The following LCORL variants were observed in gnomAD, a reference collection of about 807,000 sequenced individuals.
The protein encoded by LCORL is ligand-dependent nuclear receptor corepressor-like protein.
In LCORL, 41 loss-of-function variants were observed where a neutral mutation model predicts 141.8. That is an observed-to-expected ratio of 0.29 (90% CI 0.23 to 0.38). The LOEUF (loss-of-function observed/expected upper bound fraction) is 0.38, where lower values mean the gene tolerates loss of function less well. Ranked by LOEUF, LCORL falls within the 10% of genes least tolerant of loss-of-function variation. The pLI, the probability that LCORL is intolerant of heterozygous loss-of-function variation, is 1.00. For missense variants in LCORL, 1,759 were observed against 2,035.0 expected (o/e 0.86, Z 2.61); for synonymous variants, 618 against 694.1 (o/e 0.89, Z 1.72).
At chr4:17,877,146 C>A (rs1382108074) in exon 7 of LCORL, 5 of 1,230,576 alleles carry the variant, frequency 4.1e-6, no homozygotes, top group Non-Finnish European at 5.1e-6. Flanking sequence ...AGAGGAGTTG[C>A]GCATTGCAAA....
At chr4:17,938,713 C>T (rs574847229) in intron 4 of LCORL, among the ~76,000 whole-genome samples, 1 of 152,146 alleles carries the variant, frequency 6.6e-6, no homozygotes, top group Admixed American at 6.5e-5. Context: ...GCGCCCGGCC[C>T]TGTAACTGTT....
rs1560497785 is a variant in LCORL at position 18,021,710 on chromosome 4, A to AGCG, written c.39_41dup (p.Ala22dup). On this transcript the variant is annotated inframe_insertion, in exon 1 of 8. Transcript: ENST00000635767. This position sits in a 1 kb window ranked among gnomAD's most constrained non-coding sequence, Gnocchi z 5.5. ...GAGCGGCGGCGGCGGCGGCGGCAGC[A>AGCG]GCGGCGGCGGCAGCGGCCATTCTCT... 1.2e-5 allele frequency: 19 copies of AGCG among 1,523,656 alleles called. No individual in the cohort carries two copies. Among genetic ancestry groups the AGCG allele is most frequent in the East Asian group, 7.5e-5 (3 of 39,812 alleles). 94.4% of individuals were successfully genotyped at this position (1,523,656 alleles called of 1,614,324 possible). A position where few individuals can be genotyped will look rare whatever the true frequency, so the allele number is the denominator to read the frequency against.
Position 18,021,685 on chromosome 4 carries a change from G to GAGCGGC in LCORL, c.61_66dup (p.Ala21_Ala22dup), listed in dbSNP as rs1553889893. On this transcript the variant is annotated inframe_insertion, in exon 1 of 8. Coordinates refer to ENST00000635767, the Ensembl canonical transcript of LCORL. The surrounding 1 kb of genome is among the most constrained non-coding windows in gnomAD (Gnocchi z 5.5). ...GCCGCGCACCGAGGGCTCCGGCACT[G>GAGCGGC]AGCGGCGGCGGCGGCGGCGGCAGCA... 1.2e-5 allele frequency: 18 copies of GAGCGGC among 1,534,850 alleles called. No homozygotes were observed. The highest frequency in any genetic ancestry group is 2.1e-5 in the Admixed American group (1 of 48,202).
chr4:17,967,816 G>T (rs2109639209), intron 2 of LCORL, among the ~76,000 whole-genome samples: 1 of 152,054 alleles, frequency 6.6e-6, no homozygotes, highest in South Asian at 2.1e-4. Flanking sequence ...CGCAGTTTCT[G>T]CCTTTAGTTT....
chr4:18,018,249 A>G (rs1489673137), intron 1 of LCORL, among the ~76,000 whole-genome samples: 2 of 152,154 alleles, frequency 1.3e-5, no homozygotes, highest in Non-Finnish European at 2.9e-5. Flanking sequence ...ATCCAGGACT[A>G]TATTTGCTAT....
intron 7 of LCORL, among the ~76,000 whole-genome samples, chr4:17,862,270 C>T (rs1264474682): frequency 6.6e-6 from 1 of 152,188 alleles, no homozygotes; most frequent in Non-Finnish European, 1.5e-5. Context: ...AGGTGAAAGG[C>T]ACATCTCACA....
At chr4:17,882,169 T>C (rs1553860021) in intron 6 of LCORL, 16 of 983,918 alleles carry the variant, frequency 1.6e-5, no homozygotes, top group Middle Eastern at 5.2e-4. Flanking sequence ...CACGTATATA[T>C]GATTATTAAA....
intron 1 of LCORL, among the ~76,000 whole-genome samples, chr4:17,979,216 T>C (rs1012969064): frequency 3.3e-5 from 5 of 152,310 alleles, no homozygotes; most frequent in Admixed American, 6.5e-5. Flanking sequence ...GCCTGTGCTA[T>C]AATCTGCAAA....
At chr4:17,907,772 C>T (rs1025291164) in intron 5 of LCORL, among the ~76,000 whole-genome samples, 1 of 152,100 alleles carries the variant, frequency 6.6e-6, no homozygotes, top group Admixed American at 6.6e-5. Flanking sequence ...ATGTGTGGCC[C>T]AACACAACTC....
intron 2 of LCORL, among the ~76,000 whole-genome samples, chr4:17,968,159 T>G (rs1263589545): frequency 1.3e-5 from 2 of 152,180 alleles, no homozygotes; most frequent in East Asian, 3.8e-4. Flanking sequence ...CACCCGGCCA[T>G]TTGCCATTAC....
Position 17,924,745 on chromosome 4 carries a change from T to G in LCORL, c.431-15400A>C, listed in dbSNP as rs111535916. On this transcript the variant is annotated intron_variant, in intron 4 of 7. Coordinates refer to ENST00000635767, the Ensembl canonical transcript of LCORL. ...AAGTGAAGCAGTGGGCTCATGCTCA[T>G]GGAATTCACTGGTCTTACCATGTTC... 1.6e-3 allele frequency among the ~76,000 whole-genome samples: 240 copies of G among 152,320 alleles called. 1 individual carries two copies. Among genetic ancestry groups the G allele is most frequent in the Non-Finnish European group, 2.4e-3 (164 of 68,028 alleles).
In LCORL at chr4:17,867,031, G is replaced by C. The variant is rs555850962; in HGVS notation, c.5602+6357C>G. On this transcript the variant is annotated intron_variant, in intron 7 of 7. Coordinates refer to ENST00000635767, the Ensembl canonical transcript of LCORL. ...AGAGAAAGCAGGTCTGGAGGCTGCA[G>C]GGAGAGAATAAAGATTTACAAAACA... 1.0e-5 allele frequency: 10 copies of C among 977,264 alleles called. No homozygotes were observed. In the South Asian group the frequency reaches 4.7e-4, roughly 46 times the overall value. 60.5% of individuals were successfully genotyped at this position (977,264 alleles called of 1,614,324 possible). A position where few individuals can be genotyped will look rare whatever the true frequency, so the allele number is the denominator to read the frequency against.
intron 4 of LCORL, among the ~76,000 whole-genome samples, chr4:17,955,461 ATATAT>A (rs1275024957): frequency 5.9e-5 from 9 of 152,204 alleles, no homozygotes; most frequent in African/African-American, 2.2e-4. Flanking sequence ...AGTTCTTGAA[ATATAT>A]TAGTTAACAA....
At chr4:17,862,345 T>C (rs1340133330) in intron 7 of LCORL, among the ~76,000 whole-genome samples, 2 of 152,198 alleles carry the variant, frequency 1.3e-5, no homozygotes, top group Non-Finnish European at 2.9e-5. Context: ...CATCAGATTT[T>C]GTAAGACTTA....
intron 4 of LCORL, among the ~76,000 whole-genome samples, chr4:17,924,667 T>C (rs1365485532): frequency 1.3e-5 from 2 of 152,326 alleles, no homozygotes; most frequent in African/African-American, 2.4e-5. Context: ...TTTACCATCA[T>C]GGTATTCCAC....
chr4:17,944,990 T>A (rs1029624256), intron 4 of LCORL, among the ~76,000 whole-genome samples: 1 of 152,168 alleles, frequency 6.6e-6, no homozygotes, highest in Non-Finnish European at 1.5e-5. Context: ...CATAATTATA[T>A]GTAAAATAAA....
chr4:17,875,117 C>A (rs1726778487), exon 7 of LCORL: 1 of 1,233,368 alleles, frequency 8.1e-7, no homozygotes, highest in Non-Finnish European at 1.0e-6. Context: ...TTTCTTCAGG[C>A]AGATTTTTTC....
At chr4:17,901,785 A>C (rs1730923255) in intron 5 of LCORL, among the ~76,000 whole-genome samples, 1 of 152,156 alleles carries the variant, frequency 6.6e-6, no homozygotes, top group Non-Finnish European at 1.5e-5. Context: ...GAGGAAAAAA[A>C]AGCATAACAA....
intron 4 of LCORL, among the ~76,000 whole-genome samples, chr4:17,938,298 C>T (rs12511600): frequency 0.24 from 37,011 of 151,920 alleles, 5,871 homozygotes; most frequent in African/African-American, 0.45. Flanking sequence ...TGAGCCACCA[C>T]GCACAGCCAT....
Sources: gnomAD v4.1 joint callset for allele counts (sites outside exome capture counted in the v4.1 genomes callset) on GRCh38, gnomAD v4.1.1 for gene constraint, Gnocchi (gnomAD v3.1) non-coding constraint, MANE v1.5 for transcripts, NCBI Gene and HGNC (gene_info 2026-07-23, HGNC 2026-07-21) for gene names.